TLE2: variants seen among roughly 807,000 people sequenced by gnomAD.
TLE2 encodes the protein transducin-like enhancer protein 2.
Under a neutral mutation model 97.2 loss-of-function variants are expected in TLE2, and 74 were observed. The ratio of observed to expected loss-of-function variants is 0.76; its 90% confidence interval spans 0.63 to 0.92. TLE2 has a LOEUF of 0.92. TLE2 is among the 40% of genes least tolerant of loss of function. The pLI, the probability that TLE2 is intolerant of heterozygous loss-of-function variation, is 0.00. For synonymous variants in TLE2, 499 were observed against 432.1 expected (o/e 1.15, Z -1.92); for missense variants, 1,038 against 1,008.7 (o/e 1.03, Z -0.39).
At chr19:3,035,039 G>A (rs1224135671) in intron 1 of TLE2, among the ~76,000 whole-genome samples, 1 of 152,178 alleles carries the variant, frequency 6.6e-6, no homozygotes, top group African/African-American at 2.4e-5. Flanking sequence ...ACACTGCACC[G>A]GGGAGGGTAA....
At position 3,013,934 on chromosome 19, in the gene TLE2, C is replaced by T. The variant is rs1419110391; in HGVS notation, c.724-116G>A. 3 of 1,055,778 alleles carry T rather than the reference C, an allele frequency of 2.8e-6. No homozygotes were observed. The African/African-American group carries it at 4.9e-5, about 17-fold the overall frequency. The allele number at this position is 1,055,778 out of a possible 1,614,324, so 65.4% of individuals were successfully genotyped here. A position where few individuals can be genotyped will look rare whatever the true frequency, so the allele number is the denominator to read the frequency against. On this transcript the variant is annotated intron_variant, in intron 10 of 19. Coordinates refer to ENST00000262953, the MANE Select transcript of TLE2 (RefSeq NM_003260.5). ...TCTAGAATGGGTACCCATGACCCACCATGGGAAGATTATGAAATCTTCTGC... is the reference window on the plus strand; with the variant it reads ...TCTAGAATGGGTACCCATGACCCACTATGGGAAGATTATGAAATCTTCTGC...
In TLE2 at chr19:3,013,708, G is replaced by T; in HGVS notation, c.834C>A (p.Ser278Arg). The change falls in exon 11 of 20, where the codon AGC (serine) becomes AGA (arginine). Residue 278 changes from serine to arginine, a missense_variant. By Grantham distance (110) the Ser-to-Arg change is moderately radical. Transcript: ENST00000262953. The stretch of plus-strand genomic sequence containing the variant: ...TGGCTCTAGGCAGCGGTGAGCCAAG[G>T]CTAGAGGCCAAGGAGGCTGGACTGT... ...LVDSPASLAS[S>R]LGSPLPRAKE... The T allele has an allele frequency of 6.6e-7, 1 of 1,523,368 alleles. No homozygotes were observed. The highest frequency in any genetic ancestry group is 8.8e-7 in the Non-Finnish European group (1 of 1,136,506). The allele number at this position is 1,523,368 out of a possible 1,614,324, so 94.4% of individuals were successfully genotyped here. A position where few individuals can be genotyped will look rare whatever the true frequency, so the allele number is the denominator to read the frequency against.
chr19:3,023,087 C>T (rs1256138249), intron 5 of TLE2, among the ~76,000 whole-genome samples: 1 of 149,542 alleles, frequency 6.7e-6, no homozygotes, highest in Non-Finnish European at 1.5e-5. Flanking sequence ...CAGAATCTCG[C>T]TGTGTTGCCC....
At chr19:3,043,334 G>T (rs540552698) in intron 1 of TLE2, among the ~76,000 whole-genome samples, 1 of 148,106 alleles carries the variant, frequency 6.8e-6, no homozygotes, top group Non-Finnish European at 1.5e-5. Context: ...GATTATAGGC[G>T]TGAGCCATGG....
At chr19:3,028,602 C>T in intron 2 of TLE2, 104 bp downstream of exon 2, 4 of 1,366,208 alleles carry the variant, frequency 2.9e-6, no homozygotes, top group Non-Finnish European at 4.1e-6. Context: ...TGTCGCGCCC[C>T]CCCTCCAACC....
At position 3,015,714 on chromosome 19, in the gene TLE2, G is replaced by C; in HGVS notation, c.617C>G (p.Pro206Arg). ...PPESLVEEER[P>R]SGPGGGGKQR... ...CTTCCCGCCACCACCAGGGCCACTCGGTCGCTCCTCCTCCACGAGACTCTC... is the reference window on the plus strand; with the variant it reads ...CTTCCCGCCACCACCAGGGCCACTCCGTCGCTCCTCCTCCACGAGACTCTC... The change falls in exon 9 of 20, where the codon CCG becomes CGG. Residue 206 changes from proline to arginine, a missense_variant. Transcript: ENST00000262953. The C allele has an allele frequency of 3.1e-6, 5 of 1,611,360 alleles. No homozygotes were observed. The highest frequency in any genetic ancestry group is 3.4e-6 in the Non-Finnish European group (4 of 1,179,302).
At chr19:3,036,452 C>A (rs953536030) in intron 1 of TLE2, among the ~76,000 whole-genome samples, 1 of 152,334 alleles carries the variant, frequency 6.6e-6, no homozygotes, top group East Asian at 1.9e-4. Flanking sequence ...GAAAGCGGCT[C>A]CCTCGGGGAG....
intron 1 of TLE2, chr19:3,045,587 C>G (rs1253949376): frequency 3.3e-6 from 1 of 299,702 alleles, no homozygotes; most frequent in Admixed American, 3.9e-5. Flanking sequence ...GAGGCCAAGG[C>G]GGGCGGATCA....
At chr19:3,002,774 C>T (rs2089393094) in intron 17 of TLE2, among the ~76,000 whole-genome samples, 1 of 152,110 alleles carries the variant, frequency 6.6e-6, no homozygotes, top group Admixed American at 6.6e-5. Flanking sequence ...TCTCAGCTCA[C>T]TGCAGCCTCT....
chr19:3,006,263 G>T, intron 15 of TLE2, 157 bp downstream of exon 15: 1 of 1,283,210 alleles, frequency 7.8e-7, no homozygotes, highest in Non-Finnish European at 1.1e-6. Flanking sequence ...TGGCCTGCAA[G>T]CCTTGTCCCA....
chr19:3,029,563 G>GC (rs1599248853), upstream of TLE2: 1 of 521,418 alleles, frequency 1.9e-6, no homozygotes, highest in Non-Finnish European at 2.4e-6. Flanking sequence ...GGGAGCGGGG[G>GC]GGGGGGCTTG....
chr19:3,024,562 T>C (rs1231143652), intron 5 of TLE2, among the ~76,000 whole-genome samples: 1 of 152,072 alleles, frequency 6.6e-6, no homozygotes, highest in Admixed American at 6.6e-5. Context: ...CTCAGTGACT[T>C]CTTCTAGCAA....
At chr19:3,024,372 T>TAAA (rs2145197939) in intron 5 of TLE2, among the ~76,000 whole-genome samples, 1 of 152,152 alleles carries the variant, frequency 6.6e-6, no homozygotes, top group Admixed American at 6.5e-5. Context: ...CACACGGTTG[T>TAAA]GCAGCCATCC....
At chr19:3,036,511 C>G (rs1265039236) in intron 1 of TLE2, among the ~76,000 whole-genome samples, 1 of 152,228 alleles carries the variant, frequency 6.6e-6, no homozygotes, top group Non-Finnish European at 1.5e-5. Flanking sequence ...ACCGCCCCCT[C>G]CAGCCGAACT....
chr19:3,021,291 G>A (rs1223741164), intron 5 of TLE2, among the ~76,000 whole-genome samples: 2 of 151,426 alleles, frequency 1.3e-5, no homozygotes, highest in African/African-American at 4.9e-5. Flanking sequence ...TGTAATCCCA[G>A]CTACTCGGGA....
chr19:3,044,824 ACT>A (rs1272435061), intron 1 of TLE2, among the ~76,000 whole-genome samples: 2 of 152,000 alleles, frequency 1.3e-5, no homozygotes, highest in Non-Finnish European at 2.9e-5. Context: ...AATCAGACAA[ACT>A]CTCTTCGCCA....
intron 13 of TLE2, 67 bp from the exon 14 acceptor site, chr19:3,009,012 C>A: frequency 5.4e-6 from 7 of 1,301,918 alleles, no homozygotes; most frequent in Non-Finnish European, 7.4e-6. Flanking sequence ...CCACCCCACG[C>A]CCACCTGCCA....
At chr19:3,028,598 G>GC (rs777317317) in intron 2 of TLE2, 108 bp downstream of exon 2, 32 of 1,325,212 alleles carry the variant, frequency 2.4e-5, no homozygotes, top group Middle Eastern at 4.8e-4. Flanking sequence ...CCTTTGTCGC[G>GC]CCCCCCCTCC....
At chr19:3,040,433 C>T (rs1030053641) in intron 1 of TLE2, among the ~76,000 whole-genome samples, 9 of 151,658 alleles carry the variant, frequency 5.9e-5, no homozygotes, top group African/African-American at 1.7e-4. Flanking sequence ...CTCCACCTCC[C>T]GGGTTCAAGT....
Sources: gnomAD v4.1 joint callset for allele counts (sites outside exome capture counted in the v4.1 genomes callset) on GRCh38, gnomAD v4.1.1 for gene constraint, MANE v1.5 for transcripts, NCBI Gene and HGNC (gene_info 2026-07-23, HGNC 2026-07-21) for gene names.